The following CNTNAP2 variants were observed in gnomAD, a reference collection of about 807,000 sequenced individuals.
CNTNAP2 encodes the protein contactin associated protein 2, also known as contactin-associated protein-like 2.
In CNTNAP2, 98 loss-of-function variants were observed where a neutral mutation model predicts 155.2. The observed-to-expected ratio is 0.63, with a 90% CI of 0.54 to 0.75. The LOEUF (loss-of-function observed/expected upper bound fraction) is 0.75, where lower values mean the gene tolerates loss of function less well. CNTNAP2 is among the 30% of genes least tolerant of loss of function. CNTNAP2 has a pLI of 0.00. For synonymous variants in CNTNAP2, 651 were observed against 631.2 expected, an observed-to-expected ratio of 1.03 and a Z score of -0.47; for missense variants, 1,727 against 1,688.1, an observed-to-expected ratio of 1.02 and a Z score of -0.40.
chr7:147,827,252 G>A (rs1482153237), intron 13 of CNTNAP2, among the ~76,000 whole-genome samples: 3 of 151,990 alleles, frequency 2.0e-5, no homozygotes, highest in Admixed American at 6.6e-5. Flanking sequence ...TTCTCTGTTT[G>A]CCCCAAGCAG....
chr7:147,284,303 A>C (rs1434248446), intron 8 of CNTNAP2, among the ~76,000 whole-genome samples: 1 of 151,756 alleles, frequency 6.6e-6, no homozygotes, highest in Admixed American at 6.6e-5. Flanking sequence ...CGTTCATTTT[A>C]GTGATAAAAA....
chr7:147,141,016 G>T (rs750091823), intron 8 of CNTNAP2, among the ~76,000 whole-genome samples: 1 of 152,080 alleles, frequency 6.6e-6, no homozygotes, highest in Non-Finnish European at 1.5e-5. Flanking sequence ...ACTATTGAAT[G>T]CTTACACTAT....
chr7:147,127,842 A>G (rs1293062545), intron 6 of CNTNAP2, among the ~76,000 whole-genome samples: 1 of 152,176 alleles, frequency 6.6e-6, no homozygotes, highest in Non-Finnish European at 1.5e-5. Flanking sequence ...CAAGTATTGT[A>G]TATCTTGATA....
intron 12 of CNTNAP2, 64 bp from the exon 13 acceptor site, chr7:147,639,040 TTC>T (rs1305633857): frequency 6.7e-7 from 1 of 1,500,484 alleles, no homozygotes. Context: ...CTCAATTATT[TTC>T]TGACATTTGG....
chr7:147,246,354 C>T (rs747589049), intron 8 of CNTNAP2, among the ~76,000 whole-genome samples: 2 of 152,064 alleles, frequency 1.3e-5, no homozygotes, highest in African/African-American at 2.4e-5. Flanking sequence ...ACCCTCACCT[C>T]AATAAGAAGG....
At chr7:147,824,404 G>A (rs945454662) in intron 13 of CNTNAP2, among the ~76,000 whole-genome samples, 1 of 152,080 alleles carries the variant, frequency 6.6e-6, no homozygotes, top group African/African-American at 2.4e-5. Flanking sequence ...TCAAGTCCAC[G>A]GTAGAGTTGT....
At chr7:148,230,420 A>C (rs1220543509) in intron 20 of CNTNAP2, among the ~76,000 whole-genome samples, 1 of 152,182 alleles carries the variant, frequency 6.6e-6, no homozygotes, top group Non-Finnish European at 1.5e-5. Context: ...TAATGTGAGG[A>C]GGTCTCCCTG....
intron 1 of CNTNAP2, among the ~76,000 whole-genome samples, chr7:146,629,364 A>G (rs1335777217): frequency 6.6e-6 from 1 of 152,204 alleles, no homozygotes; most frequent in Non-Finnish European, 1.5e-5. Flanking sequence ...AAACTTGTGC[A>G]GGAAGTTAAT....
chr7:147,015,502 T>A (rs1458226153), intron 3 of CNTNAP2, among the ~76,000 whole-genome samples: 2 of 152,140 alleles, frequency 1.3e-5, no homozygotes, highest in East Asian at 3.9e-4. Flanking sequence ...AAGACGCATT[T>A]ACTTTAGTGA....
chr7:147,471,669 C>G (rs777147093), intron 10 of CNTNAP2, among the ~76,000 whole-genome samples: 8 of 152,182 alleles, frequency 5.3e-5, no homozygotes, highest in African/African-American at 2.4e-5. Flanking sequence ...TTCACTTACT[C>G]AGAACTTCTT....
intron 8 of CNTNAP2, among the ~76,000 whole-genome samples, chr7:147,213,700 C>A (rs1028954530): frequency 6.6e-6 from 1 of 152,018 alleles, no homozygotes. Flanking sequence ...GAGGCAAAGT[C>A]CCGTGATAGG....
At chr7:146,499,830 C>G (rs115594042) in intron 1 of CNTNAP2, among the ~76,000 whole-genome samples, 4 of 152,138 alleles carry the variant, frequency 2.6e-5, no homozygotes, top group Non-Finnish European at 5.9e-5. Flanking sequence ...AACACTGTAA[C>G]TCTTACAATC....
chr7:147,789,660 G>A (rs115913580), intron 13 of CNTNAP2, among the ~76,000 whole-genome samples: 3,971 of 152,294 alleles, frequency 0.026, 132 homozygotes, highest in African/African-American at 0.083. Context: ...GACTGGGAGC[G>A]AAAGTCTCCC....
At chr7:147,391,213 C>T (rs1036591435) in intron 9 of CNTNAP2, among the ~76,000 whole-genome samples, 3 of 152,134 alleles carry the variant, frequency 2.0e-5, no homozygotes, top group Admixed American at 2.0e-4. Context: ...ATAAGAGAGA[C>T]AAGTCACTGG....
At chr7:146,248,143 A>G (rs75583017) in intron 1 of CNTNAP2, among the ~76,000 whole-genome samples, 1 of 151,686 alleles carries the variant, frequency 6.6e-6, no homozygotes, top group Non-Finnish European at 1.5e-5. Context: ...GAAATAAGGG[A>G]TCAGGGCGCA....
At chr7:148,144,199 A>T (rs1160897823) in intron 16 of CNTNAP2, among the ~76,000 whole-genome samples, 1 of 152,250 alleles carries the variant, frequency 6.6e-6, no homozygotes, top group Non-Finnish European at 1.5e-5. Flanking sequence ...TATAGCTAAC[A>T]GCCTTGGAAG....
intron 15 of CNTNAP2, among the ~76,000 whole-genome samples, chr7:147,984,985 C>T (rs895215874): frequency 2.6e-5 from 4 of 151,904 alleles, no homozygotes; most frequent in South Asian, 2.1e-4. Context: ...CATGTTGGTG[C>T]GCACCTGTAA....
At chr7:147,261,993 T>G (rs1322920557) in intron 8 of CNTNAP2, among the ~76,000 whole-genome samples, 1 of 152,234 alleles carries the variant, frequency 6.6e-6, no homozygotes, top group African/African-American at 2.4e-5. Flanking sequence ...ATAAAATTTC[T>G]CATTATATTC....
At chr7:148,126,224 A>G (rs1262389234) in intron 16 of CNTNAP2, among the ~76,000 whole-genome samples, 1 of 152,204 alleles carries the variant, frequency 6.6e-6, no homozygotes, top group Non-Finnish European at 1.5e-5. Flanking sequence ...GAACACATCA[A>G]AAAGGTGTGG....
Sources: allele counts gnomAD v4.1 joint callset (sites outside exome capture counted in the v4.1 genomes callset), GRCh38; gene constraint gnomAD v4.1.1; transcripts MANE v1.5; gene names NCBI Gene and HGNC (gene_info 2026-07-23, HGNC 2026-07-21).